Variants in GAB1 observed in about 807,000 individuals in gnomAD.
GAB1 encodes GRB2-associated-binding protein 1.
Under a neutral mutation model 66.5 loss-of-function variants are expected in GAB1, and 19 were observed. That is an observed-to-expected ratio of 0.29 (90% CI 0.20 to 0.42). The LOEUF is 0.42. Among genes scored for constraint, GAB1 ranks in the 10% least tolerant of loss-of-function variants. The pLI is 1.00. For missense variants in GAB1, 732 were observed against 858.5 expected, an observed-to-expected ratio of 0.85 and a Z score of 1.84; for synonymous variants, 294 against 301.4, an observed-to-expected ratio of 0.98 and a Z score of 0.25.
intron 7 of GAB1, among the ~76,000 whole-genome samples, chr4:143,460,148 T>C (rs1342353578): frequency 6.6e-6 from 1 of 152,170 alleles, no homozygotes; most frequent in Non-Finnish European, 1.5e-5. Flanking sequence ...ACACAAAATA[T>C]TTTGCTGTCC....
intron 1 of GAB1, among the ~76,000 whole-genome samples, chr4:143,358,655 G>A (rs1729540746): frequency 6.6e-6 from 1 of 152,202 alleles, no homozygotes; most frequent in South Asian, 2.1e-4. Context: ...TAAGCTGACA[G>A]CATGTGTGTG....
chr4:143,376,520 A>G (rs1730423188), intron 1 of GAB1, among the ~76,000 whole-genome samples: 1 of 152,234 alleles, frequency 6.6e-6, no homozygotes, highest in African/African-American at 2.4e-5. Flanking sequence ...GAGATATAGA[A>G]GAGTATTTAA....
rs117008824 is a variant in GAB1, at chr4:143,404,611, C to T, written c.73-10866C>T. Reference sequence around the variant, plus strand: ...CCAAAAAATTGAAAAGTTAGCCAGGCGTGGTGGCATGCACGTGTGGTCCCA... The same window carrying T: ...CCAAAAAATTGAAAAGTTAGCCAGGTGTGGTGGCATGCACGTGTGGTCCCA... On this transcript the variant is annotated intron_variant, in intron 1 of 9. Coordinates refer to ENST00000262994, the MANE Select transcript of GAB1 (RefSeq NM_002039.4). 1.3e-4 allele frequency among the ~76,000 whole-genome samples: 20 copies of T among 152,148 alleles called. No homozygotes were observed. The East Asian group carries it at 3.1e-3, about 24-fold the overall frequency.
intron 1 of GAB1, among the ~76,000 whole-genome samples, chr4:143,382,220 C>T (rs1466248704): frequency 6.6e-6 from 1 of 152,158 alleles, no homozygotes; most frequent in Non-Finnish European, 1.5e-5. Flanking sequence ...GTTGAAACAT[C>T]TCTTCCTCGG....
intron 1 of GAB1, among the ~76,000 whole-genome samples, chr4:143,404,832 A>G (rs1269379555): frequency 6.6e-6 from 1 of 152,136 alleles, no homozygotes; most frequent in African/African-American, 2.4e-5. Context: ...TAAGTTAGAA[A>G]ATCAGTTCCT....
At chr4:143,409,756 G>A (rs541090993) in intron 1 of GAB1, among the ~76,000 whole-genome samples, 65 of 152,124 alleles carry the variant, frequency 4.3e-4, no homozygotes, top group Non-Finnish European at 3.5e-4. Context: ...TTTGCTAGTG[G>A]TAAATATTGT....
In GAB1 at chr4:143,473,418, C is replaced by T. The variant is rs186547171; in HGVS notation, c.*4229C>T. 2 of 152,198 alleles carry T rather than the reference C, an allele frequency of 1.3e-5. No individual in the cohort carries two copies. The highest frequency in any genetic ancestry group is 4.8e-5 in the African/African-American group (2 of 41,446). 9.4% of individuals were successfully genotyped at this position (152,198 alleles called of 1,614,324 possible). ...CTTTATCTGCATCAAAAACCCAATTCTGCCATTAACTGTGCTTCCCAGTCC... is the reference window on the plus strand; with the variant it reads ...CTTTATCTGCATCAAAAACCCAATTTTGCCATTAACTGTGCTTCCCAGTCC... On this transcript the variant is annotated 3_prime_UTR_variant, in exon 10 of 10. Transcript: ENST00000262994.
chr4:143,460,955 GA>G (rs1735463248), intron 8 of GAB1, among the ~76,000 whole-genome samples: 2 of 152,178 alleles, frequency 1.3e-5, no homozygotes, highest in African/African-American at 4.8e-5. Flanking sequence ...CTCTAATGGT[GA>G]AATGGTCTTA....
chr4:143,439,855 T>C lies in GAB1; in HGVS notation c.1249T>C (p.Ser417Pro). The change falls in exon 5 of 10, where the codon TCT (serine) becomes CCT (proline). Residue 417 changes from serine to proline, a missense_variant. This residue lies in a region of GAB1 where 427 missense variants were observed against 420.6 expected (regional missense o/e 1.02). Transcript: ENST00000262994. ...TCCACGAGCATTTCCAAGTGATAGA[T>C]CTAGTTCACTTGAAGGCTTCCATAA... ...DIPRAFPSDR[S>P]SSLEGFHNHF... is the part of the protein sequence containing the mutation. 1 of 1,613,258 alleles carries C rather than the reference T, an allele frequency of 6.2e-7. No homozygotes were observed. Among genetic ancestry groups the C allele is most frequent in the Non-Finnish European group, 8.5e-7 (1 of 1,179,272 alleles).
At chr4:143,439,663 T>A in intron 4 of GAB1, 139 bp from the exon 5 acceptor site, 1 of 634,350 alleles carries the variant, frequency 1.6e-6, no homozygotes, top group Non-Finnish European at 2.8e-6. Flanking sequence ...CACAGTTCTA[T>A]GAGCATCCTT....
intron 1 of GAB1, chr4:143,349,720 T>C: frequency 6.3e-7 from 1 of 1,581,396 alleles, no homozygotes; most frequent in South Asian, 1.1e-5. Flanking sequence ...GGTGGCCACC[T>C]CCTTGGAGCA....
chr4:143,439,807 A>G lies in GAB1; in HGVS notation c.1201A>G (p.Ser401Gly). The change falls in exon 5 of 10, where the codon AGT (serine) becomes GGT (glycine). Residue 401 changes from serine to glycine, a missense_variant. This residue lies in a region of GAB1 where 427 missense variants were observed against 420.6 expected (regional missense o/e 1.02). Transcript: ENST00000262994. ...VDLNKLRKDASSQDCYDIPRA... is the reference protein window; with the variant it reads ...VDLNKLRKDAGSQDCYDIPRA... ...TAGTTTGTTCTTTATTTTAGATGCT[A>G]GTTCTCAAGACTGCTATGATATTCC... is the stretch of plus-strand genomic sequence containing the variant. The G allele has an allele frequency of 1.2e-6, 2 of 1,609,720 alleles. No individual in the cohort carries two copies. The highest frequency in any genetic ancestry group is 1.7e-6 in the Non-Finnish European group (2 of 1,176,084).
Position 143,469,341 on chromosome 4 carries a change from A to G in GAB1, c.*152A>G. ...TTTCTGACATAATCAAGCAATTTAG[A>G]CTTAAGTGGTGCTTTGTGGTATCTG... On this transcript the variant is annotated 3_prime_UTR_variant, in exon 10 of 10. Transcript: ENST00000262994. 1.4e-6 allele frequency: 1 copy of G among 703,118 alleles called. No homozygotes were observed. The allele number at this position is 703,118 out of a possible 1,614,324, so 43.6% of individuals were successfully genotyped here.
rs1404520533 is a variant in GAB1, at chr4:143,471,780, G to A, written c.*2591G>A. On this transcript the variant is annotated 3_prime_UTR_variant, in exon 10 of 10. Coordinates refer to ENST00000262994, the MANE Select transcript of GAB1 (RefSeq NM_002039.4). ...GTCTATACAAAAATAAGTTATCCTG[G>A]TAGTGGAAGTTAATACATAAGCAGT... 1 of 152,130 alleles carries A rather than the reference G, an allele frequency of 6.6e-6. No individual in the cohort carries two copies. The highest frequency in any genetic ancestry group is 2.4e-5 in the African/African-American group (1 of 41,438). 9.4% of individuals were successfully genotyped at this position (152,130 alleles called of 1,614,324 possible). A position where few individuals can be genotyped will look rare whatever the true frequency, so the allele number is the denominator to read the frequency against.
rs575472891 is a variant in GAB1, at chr4:143,440,261, A to G, written c.1464A>G (p.Gln488=). 1.2e-6 allele frequency: 2 copies of G among 1,614,156 alleles called. No homozygotes were observed. Among genetic ancestry groups the G allele is most frequent in the East Asian group, 2.2e-5 (1 of 44,872 alleles). Residue 488 remains glutamine, a synonymous_variant, in exon 6 of 10, where the codon CAA becomes CAG. Coordinates refer to ENST00000262994, the MANE Select transcript of GAB1 (RefSeq NM_002039.4). ...GTFDFSSFGM[Q]VPPPAHMGFR... is the part of the protein sequence containing the mutation. ...TTGATTTTTCCTCATTTGGAATGCA[A>G]GTTCCTCCTCCTGCTCATATGGGCT... is the stretch of plus-strand genomic sequence containing the variant.
chr4:143,454,418 A>G (rs1735078644), intron 6 of GAB1, among the ~76,000 whole-genome samples: 1 of 152,218 alleles, frequency 6.6e-6, no homozygotes, highest in African/African-American at 2.4e-5. Context: ...ACACAGACCA[A>G]GTGGTCTTTG....
intron 1 of GAB1, among the ~76,000 whole-genome samples, chr4:143,394,345 G>GT (rs1262807382): frequency 6.6e-6 from 1 of 152,112 alleles, no homozygotes; most frequent in Non-Finnish European, 1.5e-5. Context: ...GAAGCTGGAG[G>GT]TTTTTCAAGG....
intron 1 of GAB1, among the ~76,000 whole-genome samples, chr4:143,406,798 C>T (rs1009686698): frequency 5.3e-5 from 8 of 152,158 alleles, no homozygotes; most frequent in Non-Finnish European, 8.8e-5. Context: ...TCACTTTTTC[C>T]GTCTCCTCTT....
intron 1 of GAB1, among the ~76,000 whole-genome samples, chr4:143,382,985 T>A (rs977461337): frequency 6.6e-6 from 1 of 152,232 alleles, no homozygotes; most frequent in African/African-American, 2.4e-5. Context: ...AATTGTGACA[T>A]GCATGCACTT....
Sources: allele counts gnomAD v4.1 joint callset (sites outside exome capture counted in the v4.1 genomes callset), GRCh38; gene constraint gnomAD v4.1.1; regional missense constraint gnomAD v4.1.1; transcripts MANE v1.5; gene names NCBI Gene and HGNC (gene_info 2026-07-23, HGNC 2026-07-21).